NDC1: variants seen among roughly 807,000 people sequenced by gnomAD.
The protein encoded by NDC1 is nucleoporin NDC1.
In NDC1, 24 loss-of-function variants were observed where a neutral mutation model predicts 89.8. The ratio of observed to expected loss-of-function variants is 0.27; its 90% CI spans 0.19 to 0.38. The LOEUF is 0.38. NDC1 is among the 10% of genes least tolerant of loss of function. The pLI, the probability that NDC1 is intolerant of heterozygous loss-of-function variation, is 1.00. For synonymous variants in NDC1, 296 were observed against 284.8 expected (o/e 1.04, Z -0.39); for missense variants, 728 against 797.6 (o/e 0.91, Z 1.05).
chr1:53,768,483 G>GT (rs1647084929), intron 17 of NDC1, among the ~76,000 whole-genome samples: 1 of 152,034 alleles, frequency 6.6e-6, no homozygotes, highest in Admixed American at 6.6e-5. Flanking sequence ...GTTTTCAAAG[G>GT]TAACAGCTTG....
At chr1:53,823,171 T>C (rs2100684770) in intron 5 of NDC1, among the ~76,000 whole-genome samples, 1 of 152,286 alleles carries the variant, frequency 6.6e-6, no homozygotes, top group South Asian at 2.1e-4. Flanking sequence ...TTCAGCTTCC[T>C]CATTCCACTG....
intron 6 of NDC1, among the ~76,000 whole-genome samples, chr1:53,814,661 A>G (rs1648419810): frequency 6.6e-6 from 1 of 152,208 alleles, no homozygotes; most frequent in African/African-American, 2.4e-5. Context: ...AATGAAACAA[A>G]AAGCTGGTTC....
At chr1:53,797,259 A>G (rs1647746966) in intron 11 of NDC1, 115 bp from the exon 12 acceptor site, 1 of 950,392 alleles carries the variant, frequency 1.1e-6, no homozygotes, top group East Asian at 2.4e-5. Flanking sequence ...CCCAAAGCTC[A>G]GTAGATTGTT....
intron 6 of NDC1, among the ~76,000 whole-genome samples, chr1:53,818,662 G>A (rs1176780866): frequency 6.6e-6 from 1 of 152,162 alleles, no homozygotes; most frequent in Non-Finnish European, 1.5e-5. Context: ...GAATCATACA[G>A]TATTTGTCTT....
intron 6 of NDC1, among the ~76,000 whole-genome samples, chr1:53,817,940 T>G (rs1261533850): frequency 6.6e-6 from 1 of 152,206 alleles, no homozygotes; most frequent in East Asian, 1.9e-4. Flanking sequence ...AACTGATTTT[T>G]GTGCTTAATA....
intron 14 of NDC1, among the ~76,000 whole-genome samples, chr1:53,792,992 C>T (rs181774678): frequency 6.6e-6 from 1 of 152,292 alleles, no homozygotes; most frequent in East Asian, 1.9e-4. Flanking sequence ...ACAAAGCTGC[C>T]AGCAGCCAAG....
chr1:53,773,974 C>T (rs1256900225), intron 16 of NDC1, among the ~76,000 whole-genome samples: 4 of 152,188 alleles, frequency 2.6e-5, no homozygotes, highest in African/African-American at 2.4e-5. Context: ...TGTCCCTTCA[C>T]GCGTGGTTCT....
intron 10 of NDC1, 112 bp from the exon 11 acceptor site, chr1:53,800,960 C>T: frequency 1.0e-6 from 1 of 953,672 alleles, no homozygotes; most frequent in South Asian, 1.8e-5. Context: ...TCAGGACCCA[C>T]TTTTCTTAGT....
intron 16 of NDC1, among the ~76,000 whole-genome samples, chr1:53,772,717 AT>A (rs1171228418): frequency 1.3e-5 from 2 of 150,456 alleles, no homozygotes; most frequent in African/African-American, 5.0e-5. Context: ...ATAACATAAC[AT>A]AACAAAACAA....
intron 15 of NDC1, among the ~76,000 whole-genome samples, chr1:53,788,057 T>C (rs1647363101): frequency 6.6e-6 from 1 of 152,164 alleles, no homozygotes; most frequent in Non-Finnish European, 1.5e-5. Context: ...GTTGCACTTT[T>C]TTGAAGTAGA....
chr1:53,825,499 C>G (rs1445167513), intron 5 of NDC1, among the ~76,000 whole-genome samples: 1 of 147,870 alleles, frequency 6.8e-6, no homozygotes, highest in Non-Finnish European at 1.5e-5. Context: ...ATGTCATCAT[C>G]ATCTTCCCCA....
rs563088965 is a variant in NDC1, at chr1:53,777,811, C to A, written c.1801-5322G>T. 1.2e-4 allele frequency among the ~76,000 whole-genome samples: 19 copies of A among 152,186 alleles called. No homozygotes were observed. The South Asian group carries it at 3.7e-3, about 30-fold the overall frequency. On this transcript the variant is annotated intron_variant, in intron 16 of 17. Coordinates refer to ENST00000371429, the MANE Select transcript of NDC1 (RefSeq NM_018087.5). ...GCTCACTGAGCTTTGACCTCCCAGG[C>A]TCAAGTGATCCTCCCTGCTCAGCCC...
At position 53,803,862 on chromosome 1, in the gene NDC1, T is replaced by C. The variant is rs180825947; in HGVS notation, c.1066+66A>G. On this transcript the variant is annotated intron_variant, in intron 10 of 17. Transcript: ENST00000371429. Reference sequence around the variant, plus strand: ...CTGGGATTACAGGCTTGAGCCACCATGCCTGGCCAAGTGAATTACTTTCTA... The same window carrying C: ...CTGGGATTACAGGCTTGAGCCACCACGCCTGGCCAAGTGAATTACTTTCTA... 607 of 1,248,120 alleles carry C rather than the reference T, an allele frequency of 4.9e-4. 4 individuals carry two copies. The East Asian group carries it at 0.011, about 22-fold the overall frequency. 77.3% of individuals were successfully genotyped at this position (1,248,120 alleles called of 1,614,324 possible). A position where few individuals can be genotyped will look rare whatever the true frequency, so the allele number is the denominator to read the frequency against.
chr1:53,818,104 C>T (rs1051314884), intron 6 of NDC1, among the ~76,000 whole-genome samples: 4 of 151,992 alleles, frequency 2.6e-5, no homozygotes, highest in African/African-American at 9.7e-5. Context: ...AAAAAGAATG[C>T]ATTTGTTTTT....
intron 6 of NDC1, among the ~76,000 whole-genome samples, chr1:53,817,421 G>A (rs375616646): frequency 3.9e-4 from 60 of 152,188 alleles, no homozygotes; most frequent in Non-Finnish European, 6.3e-4. Flanking sequence ...TCACTGATAC[G>A]TGGGAGCTAA....
chr1:53,777,027 T>C (rs1237173358), intron 16 of NDC1, among the ~76,000 whole-genome samples: 3 of 141,212 alleles, frequency 2.1e-5, no homozygotes, highest in African/African-American at 8.7e-5. Flanking sequence ...ATAAATTTTG[T>C]TGAATTTTTT....
chr1:53,795,180 T>C (rs1409812390), intron 13 of NDC1, among the ~76,000 whole-genome samples: 1 of 152,122 alleles, frequency 6.6e-6, no homozygotes, highest in Non-Finnish European at 1.5e-5. Flanking sequence ...CTTTCTTTTC[T>C]TGGATTTCTA....
In NDC1 at chr1:53,781,099, T is replaced by C. The variant is rs191875604; in HGVS notation, c.1800+6059A>G. 2.6e-3 allele frequency among the ~76,000 whole-genome samples: 403 copies of C among 152,162 alleles called. 4 individuals are homozygous for C. The highest frequency in any genetic ancestry group is 4.3e-4 in the Non-Finnish European group (29 of 67,998). On this transcript the variant is annotated intron_variant, in intron 16 of 17. Coordinates refer to ENST00000371429, the MANE Select transcript of NDC1 (RefSeq NM_018087.5). The stretch of plus-strand genomic sequence containing the variant: ...TTGAACTCCTGACCTCAAGCTATCC[T>C]CCTGCCTCAGCCTCTCAAAACTCTG...
intron 16 of NDC1, among the ~76,000 whole-genome samples, chr1:53,780,450 C>T (rs1649139927): frequency 6.6e-6 from 1 of 152,208 alleles, no homozygotes; most frequent in Admixed American, 6.5e-5. Flanking sequence ...ATCTGTTTTA[C>T]ATCCTGTAAG....
Sources: allele counts gnomAD v4.1 joint callset (sites outside exome capture counted in the v4.1 genomes callset), GRCh38; gene constraint gnomAD v4.1.1; transcripts MANE v1.5; gene names NCBI Gene and HGNC (gene_info 2026-07-23, HGNC 2026-07-21).